Variants in FGF13 observed in about 807,000 individuals in gnomAD.
FGF13 encodes fibroblast growth factor 13.
FGF13 carries 2 observed loss-of-function variants against 19.5 expected under a neutral mutation model. The observed-to-expected ratio is 0.10, with a 90% confidence interval of 0.04 to 0.32. The LOEUF (loss-of-function observed/expected upper bound fraction) is 0.32. Among genes scored for constraint, FGF13 ranks in the 10% least tolerant of loss-of-function variants. FGF13 has a pLI of 1.00. For missense variants in FGF13, 113 were observed against 192.7 expected (o/e 0.59, Z 2.45); for synonymous variants, 72 against 76.9 (o/e 0.94, Z 0.33).
At chrX:138,771,237 A>T (rs1409486179) in intron 3 of FGF13, among the ~76,000 whole-genome samples, 1 of 111,997 alleles carries the variant, frequency 8.9e-6, no homozygotes. Flanking sequence ...CAAATCAGAC[A>T]TCTGCTACTC....
intron 3 of FGF13, among the ~76,000 whole-genome samples, chrX:138,767,694 C>T (rs1006367206): frequency 5.4e-5 from 6 of 111,948 alleles, no homozygotes; most frequent in Admixed American, 9.5e-5. Context: ...TGATATATAA[C>T]GGATACAGGC....
intron 3 of FGF13, among the ~76,000 whole-genome samples, chrX:138,671,363 T>A (rs73241063): frequency 0.045 from 5,012 of 111,574 alleles, 111 homozygotes; most frequent in Non-Finnish European, 0.07. Flanking sequence ...AAATTATGAA[T>A]CTTATAAATA....
chrX:138,997,511 G>A (rs1383438342), intron 1 of FGF13, among the ~76,000 whole-genome samples: 3 of 111,744 alleles, frequency 2.7e-5, no homozygotes, highest in African/African-American at 9.8e-5. Flanking sequence ...GCTGAAAAAC[G>A]CAGCACGAGA....
chrX:138,712,843 C>G (rs966225114), upstream of FGF13, among the ~76,000 whole-genome samples: 3 of 112,176 alleles, frequency 2.7e-5, no homozygotes, highest in African/African-American at 9.7e-5. Context: ...AGCTTATCTT[C>G]AGACTCTAGC....
intron 1 of FGF13, among the ~76,000 whole-genome samples, chrX:139,194,958 G>A (rs2084360467): frequency 8.9e-6 from 1 of 111,893 alleles, no homozygotes; most frequent in Non-Finnish European, 1.9e-5. Context: ...ACTGCCCACC[G>A]CCGCTGCCGC....
At chrX:138,723,216 T>C (rs1343703995) in intron 1 of FGF13, among the ~76,000 whole-genome samples, 2 of 111,927 alleles carry the variant, frequency 1.8e-5, no homozygotes, top group Non-Finnish European at 3.8e-5. Context: ...TCTTACTTTC[T>C]TTCTGTTTAT....
At chrX:138,765,144 G>A (rs2090494043) in intron 3 of FGF13, among the ~76,000 whole-genome samples, 1 of 112,093 alleles carries the variant, frequency 8.9e-6, no homozygotes, top group African/African-American at 3.2e-5. Flanking sequence ...TCTGTGAAAT[G>A]AGGCAATAAT....
At chrX:139,175,762 A>G (rs765806801) in intron 1 of FGF13, among the ~76,000 whole-genome samples, 1 of 111,735 alleles carries the variant, frequency 8.9e-6, no homozygotes, top group African/African-American at 3.3e-5. Context: ...ACTTGATTGT[A>G]GTGGATAAGT....
chrX:139,063,052 G>C lies in FGF13; in HGVS notation c.-113+140364C>G, dbSNP rs2092341469. Among the ~76,000 whole-genome samples, 6 of 111,721 alleles carry C rather than the reference G, an allele frequency of 5.4e-5. No individual in the cohort carries two copies. The South Asian group carries it at 2.3e-3, about 42-fold the overall frequency. On this transcript the variant is annotated intron_variant, in intron 1 of 2. Coordinates refer to the FGF13 transcript ENST00000421460. ...TATTTAGAGGGTCTGGAAAAAATAAGAGAAAACCTCATAGCTCAAGCATAT... is the reference window on the plus strand; with the variant it reads ...TATTTAGAGGGTCTGGAAAAAATAACAGAAAACCTCATAGCTCAAGCATAT...
At chrX:138,882,406 C>A (rs1018542410) in intron 1 of FGF13, among the ~76,000 whole-genome samples, 1 of 111,673 alleles carries the variant, frequency 9.0e-6, no homozygotes, top group Non-Finnish European at 1.9e-5. Flanking sequence ...TGATGTACAG[C>A]GTGATTCTAT....
chrX:138,844,179 G>A (rs1377837180), intron 3 of FGF13, among the ~76,000 whole-genome samples: 1 of 111,987 alleles, frequency 8.9e-6, no homozygotes, highest in African/African-American at 3.2e-5. Flanking sequence ...ATATTAATGT[G>A]GCTTCAAAGT....
chrX:139,110,870 C>T (rs980819230), intron 1 of FGF13, among the ~76,000 whole-genome samples: 2 of 110,836 alleles, frequency 1.8e-5, no homozygotes, highest in Non-Finnish European at 3.8e-5. Flanking sequence ...ATCAGCTATG[C>T]GTCCTGAAAT....
intron 3 of FGF13, among the ~76,000 whole-genome samples, chrX:138,849,403 T>C (rs1042604774): frequency 2.7e-5 from 3 of 112,379 alleles, no homozygotes; most frequent in Non-Finnish European, 3.8e-5. Flanking sequence ...AACATTGATC[T>C]GATAACTATG....
intron 3 of FGF13, among the ~76,000 whole-genome samples, chrX:138,698,288 T>C (rs1231619658): frequency 2.7e-5 from 3 of 110,215 alleles, no homozygotes; most frequent in Non-Finnish European, 3.8e-5. Flanking sequence ...AGAAAATAAA[T>C]GGCAAAAACT....
chrX:139,150,991 C>A (rs1442406979), intron 1 of FGF13, among the ~76,000 whole-genome samples: 2 of 110,162 alleles, frequency 1.8e-5, no homozygotes, highest in Admixed American at 9.7e-5. Context: ...TCCTGGGCCC[C>A]GTATGTTAGG....
intron 1 of FGF13, among the ~76,000 whole-genome samples, chrX:138,932,689 C>T (rs1160955045): frequency 1.0e-5 from 1 of 96,439 alleles, no homozygotes; most frequent in Non-Finnish European, 2.0e-5. Context: ...AGGGGAAAAA[C>T]ATGTCAGGAG....
intron 1 of FGF13, among the ~76,000 whole-genome samples, chrX:139,062,847 C>T (rs930913399): frequency 1.6e-4 from 18 of 111,989 alleles, no homozygotes; most frequent in African/African-American, 5.8e-4. Flanking sequence ...TTGAATTTTG[C>T]TTAAGCCGGT....
intron 3 of FGF13, among the ~76,000 whole-genome samples, chrX:138,662,183 T>C (rs1463062426): frequency 2.7e-5 from 3 of 111,879 alleles, no homozygotes; most frequent in Non-Finnish European, 3.8e-5. Context: ...CTGAATTCTA[T>C]AGGACTGGCA....
chrX:139,171,747 A>G (rs1028940536), intron 1 of FGF13, among the ~76,000 whole-genome samples: 20 of 112,599 alleles, frequency 1.8e-4, no homozygotes, highest in African/African-American at 5.5e-4. Context: ...GACTTATCAC[A>G]GATATGTGAA....
Sources: gnomAD v4.1 joint callset for allele counts (sites outside exome capture counted in the v4.1 genomes callset) on GRCh38, gnomAD v4.1.1 for gene constraint, MANE v1.5 for transcripts, NCBI Gene and HGNC (gene_info 2026-07-23, HGNC 2026-07-21) for gene names.